CDH13: variants seen among roughly 807,000 people sequenced by gnomAD.
The protein encoded by CDH13 is cadherin 13.
A neutral mutation model predicts 63.8 loss-of-function variants in CDH13; 24 were observed. The observed-to-expected ratio is 0.38, with a 90% CI of 0.27 to 0.53. The LOEUF (loss-of-function observed/expected upper bound fraction) is 0.53, where lower values mean the gene tolerates loss of function less well. CDH13 is among the 20% of genes least tolerant of loss of function. CDH13 has a pLI of 0.85. For synonymous variants in CDH13, 503 were observed against 355.3 expected (o/e 1.42, Z -4.67); for missense variants, 1,049 against 903.1 (o/e 1.16, Z -2.07).
At chr16:83,405,158 T>C (rs893659375) in intron 6 of CDH13, among the ~76,000 whole-genome samples, 6 of 152,122 alleles carry the variant, frequency 3.9e-5, no homozygotes, top group Non-Finnish European at 7.4e-5. Context: ...ATCTTAACAA[T>C]TCTATGTGCA....
At chr16:82,862,115 C>T (rs1327556897) in intron 2 of CDH13, among the ~76,000 whole-genome samples, 2 of 152,190 alleles carry the variant, frequency 1.3e-5, no homozygotes, top group African/African-American at 4.8e-5. Context: ...AGGCCTGGCA[C>T]CCATATCTCC....
intron 3 of CDH13, among the ~76,000 whole-genome samples, chr16:83,076,385 G>A (rs1165202065): frequency 6.6e-6 from 1 of 152,130 alleles, no homozygotes; most frequent in African/African-American, 2.4e-5. Context: ...GCTGGGGATT[G>A]GGATGCTTAG....
chr16:83,612,768 C>T (rs1908965454), intron 8 of CDH13, among the ~76,000 whole-genome samples: 1 of 152,106 alleles, frequency 6.6e-6, no homozygotes, highest in Non-Finnish European at 1.5e-5. Context: ...TTAGGACTTA[C>T]TGGATAATCC....
chr16:82,677,307 C>A (rs891610761), intron 1 of CDH13, among the ~76,000 whole-genome samples: 4 of 152,184 alleles, frequency 2.6e-5, no homozygotes, highest in Non-Finnish European at 5.9e-5. Context: ...ATCTGATACC[C>A]CTCTTATTCC....
At chr16:82,978,840 G>C (rs529786498) in intron 2 of CDH13, among the ~76,000 whole-genome samples, 4 of 151,788 alleles carry the variant, frequency 2.6e-5, no homozygotes, top group Non-Finnish European at 4.4e-5. Context: ...TGTGAGAAGA[G>C]GGTCACCATC....
At chr16:83,726,450 C>T (rs1345342607) in intron 10 of CDH13, 1 of 152,174 alleles carries the variant, frequency 6.6e-6, no homozygotes, top group Non-Finnish European at 1.5e-5. Context: ...GCAGCCATTG[C>T]CACTAAGAAG....
intron 2 of CDH13, among the ~76,000 whole-genome samples, chr16:83,014,784 ATATATT>A: frequency 2.1e-5 from 2 of 93,622 alleles, no homozygotes; most frequent in African/African-American, 3.7e-5. Context: ...ATGTATATAT[ATATATT>A]TGTATATATA....
chr16:83,389,293 G>T (rs1052549437), intron 6 of CDH13, among the ~76,000 whole-genome samples: 1 of 152,088 alleles, frequency 6.6e-6, no homozygotes, highest in East Asian at 1.9e-4. Flanking sequence ...ACGTTTTAGT[G>T]TATAAGCATT....
At chr16:83,092,559 G>C (rs4454959) in intron 3 of CDH13, among the ~76,000 whole-genome samples, 128,942 of 152,256 alleles carry the variant, frequency 0.85, 54,929 homozygotes, top group East Asian at 0.94. Context: ...AAGCTTTAAA[G>C]AAGCTTCATC....
intron 1 of CDH13, among the ~76,000 whole-genome samples, chr16:82,752,946 A>G (rs1408478748): frequency 1.3e-5 from 2 of 152,392 alleles, no homozygotes; most frequent in African/African-American, 4.8e-5. Context: ...TTAAAAGCAT[A>G]GATAACAGTC....
intron 8 of CDH13, among the ~76,000 whole-genome samples, chr16:83,603,126 C>T (rs1908006208): frequency 6.6e-6 from 1 of 152,078 alleles, no homozygotes; most frequent in Non-Finnish European, 1.5e-5. Context: ...TTGTTGTTTC[C>T]CATTTATTCC....
chr16:83,253,707 A>T (rs8051385), intron 5 of CDH13, among the ~76,000 whole-genome samples: 2 of 152,234 alleles, frequency 1.3e-5, no homozygotes, highest in Non-Finnish European at 2.9e-5. Flanking sequence ...TACACAGGAC[A>T]TGCTTAGACA....
chr16:83,646,512 C>T (rs1336145496), intron 8 of CDH13, among the ~76,000 whole-genome samples: 9 of 151,694 alleles, frequency 5.9e-5, no homozygotes, highest in Admixed American at 5.9e-4. Flanking sequence ...ACCAGTCTGG[C>T]CAAAATGGTG....
chr16:82,762,620 G>C (rs1039394437), intron 1 of CDH13, among the ~76,000 whole-genome samples: 3 of 152,144 alleles, frequency 2.0e-5, no homozygotes, highest in African/African-American at 7.2e-5. Context: ...TCATGTTCCT[G>C]GCTGGGTCAC....
At chr16:82,839,117 G>C (rs1367013608) in intron 1 of CDH13, among the ~76,000 whole-genome samples, 1 of 152,196 alleles carries the variant, frequency 6.6e-6, no homozygotes, top group African/African-American at 2.4e-5. Context: ...CCAATCAATG[G>C]TTTAGCCAGT....
rs11345402 is a variant in CDH13, at chr16:82,793,381, G to GA, written c.46-64971dup. Among the ~76,000 whole-genome samples, 418 of 149,754 alleles carry GA rather than the reference G, an allele frequency of 2.8e-3. 2 individuals are homozygous for GA. Among genetic ancestry groups the GA allele is most frequent in the African/African-American group, 6.1e-3 (246 of 40,554 alleles). ...AGATACTTTCTGTGGAAAAGGGAGGGAAAAAAAAAATCACTCCACCCCTCC... is the reference window on the plus strand; with the variant it reads ...AGATACTTTCTGTGGAAAAGGGAGGGAAAAAAAAAAATCACTCCACCCCTCC... On this transcript the variant is annotated intron_variant, in intron 1 of 13. Coordinates refer to ENST00000567109, the MANE Select transcript of CDH13 (RefSeq NM_001257.5).
intron 1 of CDH13, among the ~76,000 whole-genome samples, chr16:82,718,078 C>G (rs1214919685): frequency 6.6e-6 from 1 of 152,174 alleles, no homozygotes; most frequent in Non-Finnish European, 1.5e-5. Flanking sequence ...GAGGTGATCT[C>G]AGGAAACCGG....
chr16:83,632,326 A>C (rs1260770259), intron 8 of CDH13, among the ~76,000 whole-genome samples: 1 of 151,480 alleles, frequency 6.6e-6, no homozygotes, highest in East Asian at 1.9e-4. Context: ...TCCATCAGTC[A>C]GCCCCTCTTA....
At chr16:83,619,606 C>T (rs931774086) in intron 8 of CDH13, among the ~76,000 whole-genome samples, 2 of 152,228 alleles carry the variant, frequency 1.3e-5, no homozygotes, top group Non-Finnish European at 2.9e-5. Flanking sequence ...CCTTTGTGCT[C>T]CTGGGCTTGT....
Sources: gnomAD v4.1 joint callset for allele counts (sites outside exome capture counted in the v4.1 genomes callset) on GRCh38, gnomAD v4.1.1 for gene constraint, MANE v1.5 for transcripts, NCBI Gene and HGNC (gene_info 2026-07-23, HGNC 2026-07-21) for gene names.